Variants in DSCAM observed in about 807,000 individuals in gnomAD.
The protein encoded by DSCAM is DS cell adhesion molecule, also known as cell adhesion molecule DSCAM.
DSCAM carries 47 observed loss-of-function variants against 217.7 expected under a neutral mutation model. That is an observed-to-expected ratio of 0.22 (90% CI 0.17 to 0.28). DSCAM has a LOEUF of 0.28. Ranked by LOEUF, DSCAM falls within the 10% of genes least tolerant of loss-of-function variation. The pLI, the probability that DSCAM is intolerant of heterozygous loss-of-function variation, is 1.00. For missense variants in DSCAM, 2,080 were observed against 2,618.3 expected (o/e 0.79, Z 4.49); for synonymous variants, 1,056 against 1,015.3 (o/e 1.04, Z -0.76).
chr21:40,789,456 T>C lies in DSCAM; in HGVS notation c.43+57163A>G, dbSNP rs570275717. Among the ~76,000 whole-genome samples the C allele has an allele frequency of 3.9e-5, 6 of 152,236 alleles. No individual in the cohort carries two copies. The South Asian group carries it at 1.2e-3, about 32-fold the overall frequency. ...TGTAGCTGAGCAGCTTTGTAAATAA[T>C]TGGGACAAAATTCTATAATCATAGC... On this transcript the variant is annotated intron_variant, in intron 1 of 32. Transcript: ENST00000400454.
chr21:40,059,346 G>GT (rs1271764830), intron 28 of DSCAM, among the ~76,000 whole-genome samples: 1 of 152,180 alleles, frequency 6.6e-6, no homozygotes, highest in East Asian at 1.9e-4. Context: ...TTAGAAGGCT[G>GT]TTTTTTAAAA....
chr21:40,607,690 T>C (rs958034142), intron 3 of DSCAM, among the ~76,000 whole-genome samples: 2 of 152,172 alleles, frequency 1.3e-5, no homozygotes, highest in African/African-American at 4.8e-5. Context: ...GGTTTCCCCA[T>C]TCACTTGGCT....
At chr21:40,825,363 G>A (rs748245144) in intron 1 of DSCAM, among the ~76,000 whole-genome samples, 1 of 150,486 alleles carries the variant, frequency 6.6e-6, no homozygotes, top group Non-Finnish European at 1.5e-5. Flanking sequence ...TGTTGCCCAG[G>A]CTGGAGTGCA....
chr21:40,579,053 A>C, intron 3 of DSCAM, among the ~76,000 whole-genome samples: 1 of 152,216 alleles, frequency 6.6e-6, no homozygotes. Flanking sequence ...GCACATTTGT[A>C]ACGACAGAGG....
chr21:40,268,730 A>G (rs1302010044), intron 11 of DSCAM, among the ~76,000 whole-genome samples: 1 of 151,992 alleles, frequency 6.6e-6, no homozygotes, highest in African/African-American at 2.4e-5. Context: ...AGGCAGATCA[A>G]CTGAGGTCAG....
chr21:40,317,062 T>C (rs1300563746), intron 8 of DSCAM, among the ~76,000 whole-genome samples: 1 of 152,228 alleles, frequency 6.6e-6, no homozygotes. Context: ...ACACAGTTCA[T>C]TATCAGCTTG....
At chr21:40,060,738 G>C (rs2089104933) in intron 28 of DSCAM, among the ~76,000 whole-genome samples, 1 of 152,172 alleles carries the variant, frequency 6.6e-6, no homozygotes, top group Non-Finnish European at 1.5e-5. Flanking sequence ...CATTTTAAAT[G>C]TCATCAACTA....
intron 3 of DSCAM, among the ~76,000 whole-genome samples, chr21:40,626,538 A>G (rs1209106343): frequency 6.6e-6 from 1 of 152,164 alleles, no homozygotes; most frequent in East Asian, 1.9e-4. Context: ...AATGCTCTCC[A>G]TTGCCTCCCA....
At chr21:40,187,726 C>T (rs1012524301) in intron 13 of DSCAM, among the ~76,000 whole-genome samples, 165 bp downstream of exon 13, 6 of 152,158 alleles carry the variant, frequency 3.9e-5, no homozygotes, top group African/African-American at 1.4e-4. Flanking sequence ...TAATCCCAGG[C>T]ACTGCAAAAT....
At chr21:40,678,643 A>G (rs55900709) in intron 3 of DSCAM, among the ~76,000 whole-genome samples, 4 of 151,922 alleles carry the variant, frequency 2.6e-5, no homozygotes, top group Non-Finnish European at 1.5e-5. Context: ...GCTTCTCCAC[A>G]CAGAAATTCT....
intron 3 of DSCAM, among the ~76,000 whole-genome samples, chr21:40,647,177 C>T (rs8133944): frequency 0.38 from 57,734 of 151,822 alleles, 11,772 homozygotes; most frequent in East Asian, 0.6. Flanking sequence ...ATTCACCACA[C>T]GCTGTTATTA....
chr21:40,794,309 T>G (rs573739000), intron 1 of DSCAM, among the ~76,000 whole-genome samples: 6 of 152,310 alleles, frequency 3.9e-5, no homozygotes, highest in Admixed American at 2.6e-4. Context: ...TTTTTTTCCT[T>G]GCTGCACAGT....
At chr21:40,557,852 A>G (rs1430484297) in intron 3 of DSCAM, among the ~76,000 whole-genome samples, 2 of 152,174 alleles carry the variant, frequency 1.3e-5, no homozygotes, top group East Asian at 1.9e-4. Context: ...GCACTGATAC[A>G]TATATACACA....
rs541792481 is a variant in DSCAM, at chr21:40,016,094, G to A, written c.5687-2708C>T. Among the ~76,000 whole-genome samples, 195 of 152,296 alleles carry A rather than the reference G, an allele frequency of 1.3e-3. 2 individuals carry two copies. The highest frequency in any genetic ancestry group is 4.6e-3 in the African/African-American group (190 of 41,566). Reference sequence around the variant, plus strand: ...AGGTGCAAAACTCTGTCTAGAGAATGGGCTGGTGGTGTGTGGTCCTGGAGC... The same window carrying A: ...AGGTGCAAAACTCTGTCTAGAGAATAGGCTGGTGGTGTGTGGTCCTGGAGC... On this transcript the variant is annotated intron_variant, in intron 32 of 32. Coordinates refer to ENST00000400454, the MANE Select transcript of DSCAM (RefSeq NM_001389.5). This position sits in a 1 kb window ranked among gnomAD's most constrained non-coding sequence, Gnocchi z 4.3.
intron 1 of DSCAM, among the ~76,000 whole-genome samples, chr21:40,820,500 C>T (rs2091916054): frequency 6.6e-6 from 1 of 152,102 alleles, no homozygotes; most frequent in African/African-American, 2.4e-5. Flanking sequence ...AGGACAAATA[C>T]CTAATGCATA....
chr21:40,296,917 A>T (rs150818123), intron 9 of DSCAM, among the ~76,000 whole-genome samples: 1 of 151,274 alleles, frequency 6.6e-6, no homozygotes, highest in Admixed American at 6.6e-5. Context: ...TTCATCTTGG[A>T]TGTGAACTGG....
At chr21:40,353,405 A>G (rs199823171) in intron 5 of DSCAM, 60 bp downstream of exon 5, 1,084 of 1,576,484 alleles carry the variant, frequency 6.9e-4, no homozygotes, top group Non-Finnish European at 4.4e-4. Flanking sequence ...AGATTTGCTT[A>G]TAACAGGAGC....
chr21:40,648,582 T>C (rs2089977606), intron 3 of DSCAM, among the ~76,000 whole-genome samples: 2 of 152,208 alleles, frequency 1.3e-5, no homozygotes, highest in Admixed American at 6.5e-5. Context: ...TTTTCTCTGA[T>C]TGATCCCCAC....
chr21:40,267,963 A>G (rs1295772948), intron 11 of DSCAM, among the ~76,000 whole-genome samples: 2 of 152,210 alleles, frequency 1.3e-5, no homozygotes, highest in Non-Finnish European at 2.9e-5. Flanking sequence ...ATACAAACAT[A>G]GGCATGCGTA....
Sources: allele counts gnomAD v4.1 joint callset (sites outside exome capture counted in the v4.1 genomes callset), GRCh38; gene constraint gnomAD v4.1.1; non-coding constraint Gnocchi (gnomAD v3.1); transcripts MANE v1.5; gene names NCBI Gene and HGNC (gene_info 2026-07-23, HGNC 2026-07-21).